The following BTBD16 variants were observed in gnomAD, a reference collection of about 807,000 sequenced individuals.
BTBD16 encodes BTB/POZ domain-containing protein 16.
Under a neutral mutation model 67.4 loss-of-function variants are expected in BTBD16, and 66 were observed. The ratio of observed to expected loss-of-function variants is 0.98; its 90% CI spans 0.80 to 1.20. The LOEUF (loss-of-function observed/expected upper bound fraction) is 1.20. BTBD16 is among the 50% of genes most tolerant of loss of function. BTBD16 has a pLI of 0.00. For synonymous variants in BTBD16, 242 were observed against 236.4 expected (o/e 1.02, Z -0.22); for missense variants, 634 against 616.0 (o/e 1.03, Z -0.31).
chr10:122,273,245 T>TATATATATATATAC (rs1249462780), intron 1 of BTBD16, among the ~76,000 whole-genome samples: 18 of 139,476 alleles, frequency 1.3e-4, no homozygotes, highest in East Asian at 9.0e-4. Flanking sequence ...TATATATATA[T>TATATATATATATAC]ACACACATAC....
intron 10 of BTBD16, among the ~76,000 whole-genome samples, chr10:122,320,048 T>C (rs1451860372): frequency 1.3e-5 from 2 of 152,158 alleles, no homozygotes; most frequent in Non-Finnish European, 2.9e-5. Flanking sequence ...TTACATTGAC[T>C]TTGTATTATA....
chr10:122,299,844 CT>C (rs1204003296), intron 9 of BTBD16, among the ~76,000 whole-genome samples: 1 of 152,164 alleles, frequency 6.6e-6, no homozygotes, highest in Non-Finnish European at 1.5e-5. Context: ...TGCTTCTGGT[CT>C]GGACCCCCTT....
chr10:122,301,685 G>A (rs555389674), intron 9 of BTBD16, among the ~76,000 whole-genome samples: 2 of 152,334 alleles, frequency 1.3e-5, no homozygotes, highest in African/African-American at 4.8e-5. Flanking sequence ...GTTTCAGGCT[G>A]CTGGCCGGTG....
chr10:122,329,693 G>T, intron 11 of BTBD16, 122 bp downstream of exon 11: 1 of 780,438 alleles, frequency 1.3e-6, no homozygotes, highest in Non-Finnish European at 2.1e-6. Context: ...TCGTGGCATT[G>T]TCACTTCCAA....
intron 7 of BTBD16, chr10:122,295,530 A>T (rs2096381541): frequency 1.0e-6 from 1 of 985,194 alleles, no homozygotes; most frequent in South Asian, 4.7e-5. Flanking sequence ...TCCTGTGTGA[A>T]GGATGTGGTA....
intron 3 of BTBD16, among the ~76,000 whole-genome samples, chr10:122,278,195 G>A (rs1397672923): frequency 6.6e-6 from 1 of 152,194 alleles, no homozygotes; most frequent in Non-Finnish European, 1.5e-5. Context: ...TGGGCAGCAA[G>A]AACTAAATCT....
chr10:122,329,789 T>C (rs2096452195), intron 11 of BTBD16, among the ~76,000 whole-genome samples: 1 of 152,226 alleles, frequency 6.6e-6, no homozygotes, highest in African/African-American at 2.4e-5. Flanking sequence ...TCTGATGAAA[T>C]ATAGTGATGG....
chr10:122,324,938 G>T (rs770329918), intron 10 of BTBD16, among the ~76,000 whole-genome samples: 3 of 152,222 alleles, frequency 2.0e-5, no homozygotes, highest in Non-Finnish European at 2.9e-5. Context: ...CTTAAAAAGG[G>T]CAGCTGTGGT....
intron 6 of BTBD16, among the ~76,000 whole-genome samples, chr10:122,290,349 T>G (rs1048643955): frequency 6.6e-6 from 1 of 152,148 alleles, no homozygotes; most frequent in African/African-American, 2.4e-5. Context: ...GGCCCAGCCT[T>G]GCTCCCAAAT....
chr10:122,334,435 T>G (rs1239911288), intron 13 of BTBD16, among the ~76,000 whole-genome samples: 2 of 148,300 alleles, frequency 1.3e-5, no homozygotes, highest in Admixed American at 6.8e-5. Flanking sequence ...GACCTCGTGA[T>G]CGGCCCGCCT....
At chr10:122,319,335 C>G (rs1007567426) in intron 10 of BTBD16, among the ~76,000 whole-genome samples, 6 of 152,028 alleles carry the variant, frequency 3.9e-5, no homozygotes, top group African/African-American at 1.4e-4. Context: ...TCTATGTTTT[C>G]TTCTGGGAGA....
chr10:122,302,579 T>C (rs2096396106), intron 9 of BTBD16, among the ~76,000 whole-genome samples: 2 of 152,194 alleles, frequency 1.3e-5, no homozygotes, highest in Non-Finnish European at 2.9e-5. Context: ...GCTATGCATG[T>C]CCTCCTTGTT....
At chr10:122,331,965 G>C (rs2096455870) in intron 12 of BTBD16, 2 of 163,524 alleles carry the variant, frequency 1.2e-5, no homozygotes, top group African/African-American at 4.8e-5. Flanking sequence ...TGACAGAGAG[G>C]GGACAGTCTG....
At chr10:122,329,367 T>A in intron 10 of BTBD16, 113 bp from the exon 11 acceptor site, 1 of 943,880 alleles carries the variant, frequency 1.1e-6, no homozygotes, top group Non-Finnish European at 1.6e-6. Context: ...AGGCCCCATC[T>A]CCCCCTGGCT....
chr10:122,301,130 A>T (rs2096393049), intron 9 of BTBD16, among the ~76,000 whole-genome samples: 1 of 151,892 alleles, frequency 6.6e-6, no homozygotes, highest in African/African-American at 2.4e-5. Flanking sequence ...GTGCTCCCCC[A>T]CTCCCCAGCG....
intron 2 of BTBD16, among the ~76,000 whole-genome samples, chr10:122,276,407 A>T (rs1459799173): frequency 6.6e-6 from 1 of 152,210 alleles, no homozygotes; most frequent in Non-Finnish European, 1.5e-5. Flanking sequence ...TCCTTGCCCA[A>T]GATCTCCACA....
intron 3 of BTBD16, among the ~76,000 whole-genome samples, chr10:122,280,161 A>T (rs1161717085): frequency 6.6e-6 from 1 of 152,188 alleles, no homozygotes; most frequent in African/African-American, 2.4e-5. Context: ...TTTGTGCCTT[A>T]GTTTATGTGC....
rs1462405466 is a variant in BTBD16, at chr10:122,286,134, T to G, written c.271T>G (p.Trp91Gly). ...GATTCTCGAGTGCCTGGGCTTCAAA[T>G]GGGAGCTCCATCAGCCCCAGCTTTT... ...DVILECLGFK[W>G]ELHQPQLFQS... The change falls in exon 5 of 16, where the codon TGG becomes GGG. Residue 91 changes from tryptophan to glycine, a missense_variant. Trp to Gly is a radical substitution (Grantham distance 184). Coordinates refer to ENST00000260723, the MANE Select transcript of BTBD16 (RefSeq NM_144587.5). 3.7e-6 allele frequency: 6 copies of G among 1,613,862 alleles called. No individual in the cohort carries two copies. The South Asian group carries it at 6.6e-5, about 18-fold the overall frequency.
chr10:122,331,507 C>T (rs999616130), intron 12 of BTBD16, among the ~76,000 whole-genome samples: 3 of 152,174 alleles, frequency 2.0e-5, no homozygotes, highest in South Asian at 2.1e-4. Flanking sequence ...GATTAACAAA[C>T]GTTTGGACCA....
Sources: gnomAD v4.1 joint callset for allele counts (sites outside exome capture counted in the v4.1 genomes callset) on GRCh38, gnomAD v4.1.1 for gene constraint, MANE v1.5 for transcripts, NCBI Gene and HGNC (gene_info 2026-07-23, HGNC 2026-07-21) for gene names.